Variants in DAB1 observed in about 807,000 individuals in gnomAD.
The protein encoded by DAB1 is disabled homolog 1.
A neutral mutation model predicts 64.6 loss-of-function variants in DAB1; 15 were observed. The observed-to-expected ratio is 0.23, with a 90% CI of 0.16 to 0.36. The LOEUF is 0.36. DAB1 is among the 10% of genes least tolerant of loss of function. The pLI is 1.00. For missense variants in DAB1, 596 were observed against 706.7 expected, an observed-to-expected ratio of 0.84 and a Z score of 1.78; for synonymous variants, 235 against 251.9, an observed-to-expected ratio of 0.93 and a Z score of 0.64.
chr1:57,276,382 A>G (rs1369664873), intron 2 of DAB1, among the ~76,000 whole-genome samples: 1 of 152,234 alleles, frequency 6.6e-6, no homozygotes, highest in East Asian at 1.9e-4. Context: ...ATCAAAGAAA[A>G]ACTACTTGAA....
chr1:56,996,488 G>A lies in DAB1; in HGVS notation c.*1656C>T, dbSNP rs1645621148. 1 of 152,196 alleles carries A rather than the reference G, an allele frequency of 6.6e-6. No homozygotes were observed. 9.4% of individuals were successfully genotyped at this position (152,196 alleles called of 1,614,324 possible). A position where few individuals can be genotyped will look rare whatever the true frequency, so the allele number is the denominator to read the frequency against. On this transcript the variant is annotated 3_prime_UTR_variant, in exon 15 of 15. Transcript: ENST00000371236. Reference sequence around the variant, plus strand: ...ACACTGCACTTTTTGTCTCATAAGTGTAAAAAAAGGAAGCTTAGCCTCTTC... The same window carrying A: ...ACACTGCACTTTTTGTCTCATAAGTATAAAAAAAGGAAGCTTAGCCTCTTC...
rs1198125348 is a variant in DAB1, at chr1:58,516,727, G to A, written n.108-10518C>T. On this transcript the variant is annotated intron_variant and non_coding_transcript_variant, in intron 2 of 20. Transcript: ENST00000485760. ...ACGTTGAAACCTCATAAATCCAATG[G>A]GACTGCATATGACCAATAGAACCAT... Among the ~76,000 whole-genome samples the A allele has an allele frequency of 3.3e-5, 5 of 152,144 alleles. No homozygotes were observed. In the South Asian group the frequency reaches 6.2e-4, roughly 19 times the overall value.
At chr1:57,606,858 C>T (rs948445133) in intron 7 of DAB1, among the ~76,000 whole-genome samples, 15 of 148,942 alleles carry the variant, frequency 1.0e-4, no homozygotes, top group Non-Finnish European at 1.9e-4. Context: ...GGTACGATCT[C>T]GGCTCACTGC....
chr1:57,641,379 G>GTTTTTTTTTT (rs34105483), intron 7 of DAB1, among the ~76,000 whole-genome samples: 14 of 109,966 alleles, frequency 1.3e-4, no homozygotes, highest in African/African-American at 3.1e-4. Context: ...TTTTTTGTTG[G>GTTTTTTTTTT]TTTTTTTTTT....
chr1:58,441,094 C>T (rs1645003219), intron 3 of DAB1, among the ~76,000 whole-genome samples: 1 of 152,180 alleles, frequency 6.6e-6, no homozygotes, highest in Non-Finnish European at 1.5e-5. Flanking sequence ...ACTGGGCCTG[C>T]ACATTGACAA....
intron 5 of DAB1, among the ~76,000 whole-genome samples, chr1:58,053,546 A>C (rs948907065): frequency 2.0e-5 from 3 of 152,132 alleles, no homozygotes; most frequent in Non-Finnish European, 2.9e-5. Context: ...CATCACTCAA[A>C]CACCTTCCAT....
At chr1:57,111,301 G>T (rs1250418238) in intron 4 of DAB1, among the ~76,000 whole-genome samples, 1 of 152,180 alleles carries the variant, frequency 6.6e-6, no homozygotes, top group Non-Finnish European at 1.5e-5. Context: ...GCTCATCTTG[G>T]AAATTCAGAG....
At chr1:58,040,440 G>T (rs1192550642) in intron 5 of DAB1, among the ~76,000 whole-genome samples, 2 of 152,150 alleles carry the variant, frequency 1.3e-5, no homozygotes, top group Non-Finnish European at 2.9e-5. Context: ...CATCCAAGAC[G>T]CAGCAGAAAT....
intron 4 of DAB1, among the ~76,000 whole-genome samples, chr1:58,168,371 C>T (rs1655978988): frequency 6.6e-6 from 1 of 152,086 alleles, no homozygotes; most frequent in Admixed American, 6.5e-5. Flanking sequence ...GTCATGTCAC[C>T]CAAGCGAAAC....
At chr1:57,371,453 T>C (rs1251816076) in intron 1 of DAB1, among the ~76,000 whole-genome samples, 2 of 152,314 alleles carry the variant, frequency 1.3e-5, no homozygotes, top group East Asian at 1.9e-4. Flanking sequence ...AAAAGAGTAA[T>C]ATTTAGTAAG....
At chr1:58,433,398 G>C (rs565715209) in intron 3 of DAB1, among the ~76,000 whole-genome samples, 2 of 152,054 alleles carry the variant, frequency 1.3e-5, no homozygotes, top group Non-Finnish European at 2.9e-5. Flanking sequence ...TTCATTTTGT[G>C]CTGCTATAAC....
intron 1 of DAB1, among the ~76,000 whole-genome samples, chr1:57,393,368 C>T (rs747629902): frequency 7.2e-5 from 11 of 152,064 alleles, no homozygotes; most frequent in East Asian, 1.9e-4. Context: ...AGGAACTGCC[C>T]GTAGCTGGTG....
chr1:57,792,154 C>G (rs1650631984), intron 6 of DAB1, among the ~76,000 whole-genome samples: 1 of 152,184 alleles, frequency 6.6e-6, no homozygotes, highest in Non-Finnish European at 1.5e-5. Flanking sequence ...TTACTGTTGT[C>G]TCCCTTGCTA....
intron 4 of DAB1, among the ~76,000 whole-genome samples, chr1:58,238,359 G>A (rs1181717311): frequency 2.6e-5 from 4 of 152,178 alleles, no homozygotes; most frequent in Non-Finnish European, 5.9e-5. Flanking sequence ...AAGGCACAAA[G>A]GGCATTTTGC....
chr1:57,945,546 C>T (rs1475106623), intron 5 of DAB1, among the ~76,000 whole-genome samples: 2 of 152,000 alleles, frequency 1.3e-5, no homozygotes, highest in African/African-American at 2.4e-5. Flanking sequence ...TCCCAAAGTG[C>T]TGAAATTATA....
At chr1:58,069,468 G>T (rs11207166) in intron 5 of DAB1, among the ~76,000 whole-genome samples, 31,207 of 151,952 alleles carry the variant, frequency 0.21, 3,675 homozygotes, top group East Asian at 0.31. Flanking sequence ...ACTTTACGGC[G>T]TACCAAGAAT....
intron 6 of DAB1, among the ~76,000 whole-genome samples, chr1:57,725,573 C>A (rs1416176374): frequency 1.3e-5 from 2 of 152,130 alleles, no homozygotes; most frequent in East Asian, 3.9e-4. Context: ...TTGTGGGGAT[C>A]TGACAGCTGA....
In DAB1 at chr1:57,015,303, C is replaced by T. The variant is rs758569401; in HGVS notation, c.1024G>A (p.Gly342Ser). 1.5e-5 allele frequency: 24 copies of T among 1,613,990 alleles called. No homozygotes were observed. In the East Asian group the frequency reaches 3.8e-4, roughly 25 times the overall value. The change falls in exon 12 of 15, where the codon GGC (glycine) becomes AGC (serine). Residue 342 changes from glycine to serine, a missense_variant. Around this residue, in one of 3 missense-constraint regions of DAB1, gnomAD observed 377 missense variants for 400.4 expected, o/e 0.94. Coordinates refer to ENST00000371236, the MANE Select transcript of DAB1 (RefSeq NM_001365792.1). ...GTGGCAGGAAAGAGACCCGGCTGGC[C>T]CCATGCGATGGGCTGAGCCCCCGGC... ...VMPGAQPIAWGQPGLFPATQQ... is the reference protein window; with the variant it reads ...VMPGAQPIAWSQPGLFPATQQ...
In DAB1 at chr1:57,102,115, G is replaced by A. The variant is rs192570358; in HGVS notation, c.307-29701C>T. The stretch of plus-strand genomic sequence containing the variant: ...AAACAATCAAATTTCAATGCAGTGC[G>A]GTCTTTGGAGTAATAGAGCCAAGTA... On this transcript the variant is annotated intron_variant, in intron 4 of 14. Transcript: ENST00000371236. Among the ~76,000 whole-genome samples, 572 of 152,276 alleles carry A rather than the reference G, an allele frequency of 3.8e-3. 3 individuals are homozygous for A. Among genetic ancestry groups the A allele is most frequent in the African/African-American group, 0.013 (544 of 41,562 alleles).
Sources: allele counts gnomAD v4.1 joint callset (sites outside exome capture counted in the v4.1 genomes callset), GRCh38; gene constraint gnomAD v4.1.1; regional missense constraint gnomAD v4.1.1; transcripts MANE v1.5; gene names NCBI Gene and HGNC (gene_info 2026-07-23, HGNC 2026-07-21).